Variants in FRMD4A observed in about 807,000 individuals in gnomAD.
The protein encoded by FRMD4A is FERM domain containing 4A.
FRMD4A carries 29 observed loss-of-function variants against 129.1 expected under a neutral mutation model. The ratio of observed to expected loss-of-function variants is 0.22; its 90% CI spans 0.17 to 0.31. The LOEUF (loss-of-function observed/expected upper bound fraction) is 0.31. FRMD4A is among the 10% of genes least tolerant of loss of function. FRMD4A has a pLI of 1.00. For synonymous variants in FRMD4A, 634 were observed against 571.6 expected, an observed-to-expected ratio of 1.11 and a Z score of -1.56; for missense variants, 1,272 against 1,375.8, an observed-to-expected ratio of 0.92 and a Z score of 1.19.
chr10:14,132,250 A>G lies in FRMD4A; in HGVS notation c.45+197808T>C, dbSNP rs1378638221. 2.0e-5 allele frequency among the ~76,000 whole-genome samples: 3 copies of G among 152,254 alleles called. No individual in the cohort carries two copies. In the East Asian group the frequency reaches 5.8e-4, roughly 29 times the overall value. On this transcript the variant is annotated intron_variant, in intron 2 of 24. Coordinates refer to ENST00000357447, the MANE Select transcript of FRMD4A (RefSeq NM_018027.5). The stretch of plus-strand genomic sequence containing the variant: ...TTGCAGTGAGCCGAGATCATGCCTC[A>G]GTACTCCAGCCTGGGTGACAGAGCT...
At chr10:13,701,531 T>C (rs560924209) in intron 13 of FRMD4A, 53 bp from the exon 14 acceptor site, 498 of 1,561,182 alleles carry the variant, frequency 3.2e-4, no homozygotes, top group Non-Finnish European at 4.1e-4. Context: ...AGAGAAACCA[T>C]TTCTCAGTCA....
chr10:14,097,887 T>C (rs1837061707), intron 2 of FRMD4A, among the ~76,000 whole-genome samples: 1 of 146,958 alleles, frequency 6.8e-6, no homozygotes, highest in Non-Finnish European at 1.5e-5. Context: ...GATTATATAA[T>C]TTACAATATG....
intron 2 of FRMD4A, among the ~76,000 whole-genome samples, chr10:14,291,646 A>G (rs1277627914): frequency 6.6e-6 from 1 of 152,080 alleles, no homozygotes; most frequent in African/African-American, 2.4e-5. Flanking sequence ...AAAAAACTTC[A>G]TTTTCCAGAT....
At chr10:13,893,835 T>C (rs1323477797) in intron 2 of FRMD4A, among the ~76,000 whole-genome samples, 4 of 152,178 alleles carry the variant, frequency 2.6e-5, no homozygotes, top group Admixed American at 6.5e-5. Flanking sequence ...TCTTCCAATA[T>C]TTTGTTTCCA....
intron 2 of FRMD4A, chr10:14,097,152 A>G (rs1285441620): frequency 5.2e-5 from 7 of 133,476 alleles, no homozygotes; most frequent in African/African-American, 2.1e-4. Context: ...AAAAAAAAAA[A>G]AAAAAAAAAA....
At chr10:14,306,855 C>G (rs901805563) in intron 2 of FRMD4A, among the ~76,000 whole-genome samples, 1 of 152,108 alleles carries the variant, frequency 6.6e-6, no homozygotes, top group Non-Finnish European at 1.5e-5. Context: ...ATATTCGAAA[C>G]TCTGAAACTA....
intron 2 of FRMD4A, among the ~76,000 whole-genome samples, chr10:14,095,358 T>A (rs913316731): frequency 6.6e-6 from 1 of 152,160 alleles, no homozygotes; most frequent in African/African-American, 2.4e-5. Context: ...ACTTTCATGC[T>A]CAGAATAGAT....
At chr10:13,817,756 C>T (rs538053295) in intron 3 of FRMD4A, among the ~76,000 whole-genome samples, 5 of 152,302 alleles carry the variant, frequency 3.3e-5, no homozygotes, top group Non-Finnish European at 7.3e-5. Context: ...AACCTCTTTC[C>T]TTTATAAATT....
intron 13 of FRMD4A, among the ~76,000 whole-genome samples, chr10:13,705,178 A>G (rs1370506032): frequency 6.6e-6 from 1 of 152,192 alleles, no homozygotes; most frequent in Non-Finnish European, 1.5e-5. Flanking sequence ...ACAGCACCCG[A>G]CAAGGACACA....
chr10:13,677,756 C>A lies in FRMD4A; in HGVS notation c.1118-2712G>T, dbSNP rs908686221. 4.6e-5 allele frequency among the ~76,000 whole-genome samples: 7 copies of A among 152,270 alleles called. 1 individual carries two copies. Among genetic ancestry groups the A allele is most frequent in the Admixed American group, 3.3e-4 (5 of 15,294 alleles). ...AATCTGGTTCTCTTAGTAACAGTCACCAATCACATCTGAAGACTCAGGAAC... is the reference window on the plus strand; with the variant it reads ...AATCTGGTTCTCTTAGTAACAGTCAACAATCACATCTGAAGACTCAGGAAC... On this transcript the variant is annotated intron_variant, in intron 15 of 24. Transcript: ENST00000357447.
In FRMD4A at chr10:13,740,544, C is replaced by T; in HGVS notation, c.582G>A (p.Leu194=). 1 of 1,595,898 alleles carries T rather than the reference C, an allele frequency of 6.3e-7. No individual in the cohort carries two copies. Among genetic ancestry groups the T allele is most frequent in the Non-Finnish European group, 8.6e-7 (1 of 1,166,140 alleles). ...TTGCTTGACCTCTTGTCTGACCGTTCAGTTTCTTGTAGTGCTCAATGACTC... is the reference window on the plus strand; with the variant it reads ...TTGCTTGACCTCTTGTCTGACCGTTTAGTTTCTTGTAGTGCTCAATGACTC... ...EDRVIEHYKK[L]NGQTRGQAIV... is the part of the protein sequence containing the mutation. The change falls in exon 10 of 25, where the codon CTG becomes CTA. Residue 194 remains leucine (L), a synonymous_variant. Coordinates refer to ENST00000357447, the MANE Select transcript of FRMD4A (RefSeq NM_018027.5).
chr10:13,697,887 G>T (rs1016916362), intron 14 of FRMD4A, among the ~76,000 whole-genome samples: 1 of 152,094 alleles, frequency 6.6e-6, no homozygotes, highest in African/African-American at 2.4e-5. Context: ...ACGTTCCTTG[G>T]CTCTGGGCTT....
chr10:13,916,668 T>G (rs1233049588), intron 2 of FRMD4A, among the ~76,000 whole-genome samples: 1 of 152,230 alleles, frequency 6.6e-6, no homozygotes, highest in East Asian at 1.9e-4. Flanking sequence ...AGATTCAATG[T>G]ACAATGTAGA....
At chr10:13,926,965 G>A (rs893817866) in intron 2 of FRMD4A, among the ~76,000 whole-genome samples, 2 of 152,082 alleles carry the variant, frequency 1.3e-5, no homozygotes, top group Non-Finnish European at 2.9e-5. Flanking sequence ...TAAGTTTTCA[G>A]TTTAGAGACC....
chr10:13,777,542 T>C (rs975279250), intron 6 of FRMD4A, among the ~76,000 whole-genome samples: 1 of 152,110 alleles, frequency 6.6e-6, no homozygotes, highest in Non-Finnish European at 1.5e-5. Context: ...ACATTCAGCA[T>C]GTGGGCTGAT....
chr10:13,929,331 C>T (rs2095168775), intron 2 of FRMD4A, among the ~76,000 whole-genome samples: 1 of 152,168 alleles, frequency 6.6e-6, no homozygotes, highest in South Asian at 2.1e-4. Context: ...TGCTGAAGAC[C>T]ACCCTGAGCT....
chr10:14,211,638 C>T (rs1016041792), intron 2 of FRMD4A, among the ~76,000 whole-genome samples: 1 of 152,162 alleles, frequency 6.6e-6, no homozygotes. Context: ...CTTGGGTCCT[C>T]CTCCAGCTTA....
Position 14,035,132 on chromosome 10 carries a change from A to G in FRMD4A, c.46-176220T>C, listed in dbSNP as rs1833435437. The stretch of plus-strand genomic sequence containing the variant: ...CGTTAGGGAATTAAAAACAAAATAG[A>G]CTGGGCACGGTGGCTCACACCTATA... On this transcript the variant is annotated intron_variant, in intron 2 of 24. Transcript: ENST00000357447. 3.3e-5 allele frequency among the ~76,000 whole-genome samples: 5 copies of G among 152,032 alleles called. No individual in the cohort carries two copies. The South Asian group carries it at 1.0e-3, about 32-fold the overall frequency.
At chr10:13,946,359 A>T (rs2095331565) in intron 2 of FRMD4A, among the ~76,000 whole-genome samples, 1 of 152,194 alleles carries the variant, frequency 6.6e-6, no homozygotes, top group Non-Finnish European at 1.5e-5. Context: ...CCATATTGTC[A>T]ACCAAGTCAG....
Sources: allele counts gnomAD v4.1 joint callset (sites outside exome capture counted in the v4.1 genomes callset), GRCh38; gene constraint gnomAD v4.1.1; transcripts MANE v1.5; gene names NCBI Gene and HGNC (gene_info 2026-07-23, HGNC 2026-07-21).